The following CTNNA2 variants were observed in gnomAD, a reference collection of about 807,000 sequenced individuals.
CTNNA2 encodes catenin alpha-2.
A neutral mutation model predicts 101.0 loss-of-function variants in CTNNA2; 42 were observed. The ratio of observed to expected loss-of-function variants is 0.42; its 90% CI spans 0.32 to 0.54. CTNNA2 has a LOEUF of 0.54. Ranked by LOEUF, CTNNA2 falls within the 20% of genes least tolerant of loss-of-function variation. The probability of loss-of-function intolerance (pLI) is 0.14; values close to 1 mark genes in which losing one functional copy is unlikely to be tolerated. For synonymous variants in CTNNA2, 450 were observed against 456.4 expected, an observed-to-expected ratio of 0.99 and a Z score of 0.18; for missense variants, 871 against 1,223.1, an observed-to-expected ratio of 0.71 and a Z score of 4.29.
chr2:80,570,508 G>A (rs1047301925), intron 12 of CTNNA2, among the ~76,000 whole-genome samples: 4 of 152,082 alleles, frequency 2.6e-5, no homozygotes, highest in African/African-American at 9.7e-5. Flanking sequence ...AGTTTCTTAG[G>A]GGTCAGACCC....
At chr2:79,329,991 C>T (rs2104417484) in intron 3 of CTNNA2, among the ~76,000 whole-genome samples, 1 of 152,236 alleles carries the variant, frequency 6.6e-6, no homozygotes, top group South Asian at 2.1e-4. Context: ...GGATGAAAAC[C>T]ACTAGCTAGA....
intron 4 of CTNNA2, among the ~76,000 whole-genome samples, chr2:79,408,311 A>C (rs906438797): frequency 4.6e-5 from 7 of 150,782 alleles, no homozygotes; most frequent in Non-Finnish European, 7.4e-5. Flanking sequence ...TATTATTATT[A>C]TTATTATAAT....
rs578091878 is a variant in CTNNA2, at chr2:80,347,137, C to A, written c.1057-46074C>A. 2.0e-5 allele frequency among the ~76,000 whole-genome samples: 3 copies of A among 152,306 alleles called. No individual in the cohort carries two copies. The South Asian group carries it at 6.2e-4, about 32-fold the overall frequency. On this transcript the variant is annotated intron_variant, in intron 7 of 18. Transcript: ENST00000402739. ...TTTGTGCTATATAGCAATCAGCGAG[C>A]ACCGCAGTGGCAGATTCAGCGCTCT...
At chr2:80,209,437 C>T (rs1043379761) in intron 7 of CTNNA2, among the ~76,000 whole-genome samples, 7 of 152,002 alleles carry the variant, frequency 4.6e-5, no homozygotes, top group African/African-American at 9.7e-5. Context: ...GTGATCCGCC[C>T]GCCTCGGCCT....
intron 3 of CTNNA2, among the ~76,000 whole-genome samples, chr2:79,338,755 A>G (rs1677064435): frequency 6.6e-6 from 1 of 152,028 alleles, no homozygotes; most frequent in Non-Finnish European, 1.5e-5. Context: ...GATGGTCATA[A>G]TCTGGCCTAG....
chr2:79,775,817 A>G (rs1318728371), intron 3 of CTNNA2, among the ~76,000 whole-genome samples: 1 of 152,118 alleles, frequency 6.6e-6, no homozygotes, highest in Non-Finnish European at 1.5e-5. Context: ...GCTAAATAGC[A>G]CTCTTCAGTG....
At chr2:79,279,419 G>A (rs1675302293) in intron 2 of CTNNA2, among the ~76,000 whole-genome samples, 1 of 152,024 alleles carries the variant, frequency 6.6e-6, no homozygotes, top group Non-Finnish European at 1.5e-5. Flanking sequence ...TAAATTAGAT[G>A]GGGTCTGCGC....
chr2:79,243,262 A>T (rs1674658175), intron 2 of CTNNA2, among the ~76,000 whole-genome samples: 1 of 152,138 alleles, frequency 6.6e-6, no homozygotes, highest in African/African-American at 2.4e-5. Flanking sequence ...AGGAAATTGT[A>T]GTTAAGGGAA....
intron 7 of CTNNA2, among the ~76,000 whole-genome samples, chr2:80,386,854 C>T (rs941174620): frequency 2.0e-5 from 3 of 152,172 alleles, no homozygotes; most frequent in Admixed American, 6.5e-5. Flanking sequence ...TACCTTCTTA[C>T]AACCATGTCC....
chr2:80,300,123 A>ACCC (rs1248834198), intron 7 of CTNNA2, among the ~76,000 whole-genome samples: 2 of 151,824 alleles, frequency 1.3e-5, no homozygotes, highest in Non-Finnish European at 2.9e-5. Context: ...TAAATTCAAA[A>ACCC]CCCCCTCCTC....
intron 18 of CTNNA2, among the ~76,000 whole-genome samples, chr2:80,638,614 G>A (rs1673117278): frequency 6.6e-6 from 1 of 152,152 alleles, no homozygotes; most frequent in African/African-American, 2.4e-5. Context: ...CCTTGTTTCG[G>A]GTTGAGCAAA....
chr2:79,929,354 A>C (rs796426481), intron 7 of CTNNA2, among the ~76,000 whole-genome samples: 3 of 152,150 alleles, frequency 2.0e-5, no homozygotes, highest in African/African-American at 7.2e-5. Context: ...TATTTAAAGA[A>C]CTCTTTTGTA....
intron 3 of CTNNA2, among the ~76,000 whole-genome samples, chr2:79,345,655 A>C (rs1320439765): frequency 6.6e-6 from 1 of 152,092 alleles, no homozygotes; most frequent in South Asian, 2.1e-4. Context: ...GGGAGTAAAA[A>C]ATTGTGGGGT....
intron 11 of CTNNA2, among the ~76,000 whole-genome samples, chr2:80,547,285 T>G (rs1479489936): frequency 6.6e-6 from 1 of 152,182 alleles, no homozygotes; most frequent in Non-Finnish European, 1.5e-5. Flanking sequence ...GGCCTGTGAC[T>G]AGAATTTACC....
At chr2:79,540,988 A>G (rs1673374175) in intron 1 of CTNNA2, among the ~76,000 whole-genome samples, 1 of 152,080 alleles carries the variant, frequency 6.6e-6, no homozygotes, top group African/African-American at 2.4e-5. Context: ...TGTTGTGTTG[A>G]TCAAATTGTT....
At chr2:80,064,214 C>T (rs1217217036) in intron 7 of CTNNA2, among the ~76,000 whole-genome samples, 2 of 152,158 alleles carry the variant, frequency 1.3e-5, no homozygotes, top group Non-Finnish European at 2.9e-5. Context: ...GCTGGGTTAT[C>T]CAATATTCAT....
chr2:79,259,683 G>T (rs894689419), intron 2 of CTNNA2, among the ~76,000 whole-genome samples: 1 of 152,190 alleles, frequency 6.6e-6, no homozygotes, highest in Non-Finnish European at 1.5e-5. Flanking sequence ...AGAAGGCTGT[G>T]CAGGCTGCCT....
intron 9 of CTNNA2, among the ~76,000 whole-genome samples, chr2:80,540,384 G>T (rs1691448246): frequency 6.6e-6 from 1 of 152,074 alleles, no homozygotes; most frequent in Non-Finnish European, 1.5e-5. Flanking sequence ...ATCACTTGAG[G>T]CTAGGAGTTC....
intron 9 of CTNNA2, among the ~76,000 whole-genome samples, chr2:80,490,280 A>ACC (rs138977108): frequency 0.044 from 2,458 of 55,512 alleles, 48 homozygotes; most frequent in Admixed American, 0.087. Flanking sequence ...TTCCCCCCCC[A>ACC]CCCCCCCCCC....
Sources: gnomAD v4.1 joint callset for allele counts (sites outside exome capture counted in the v4.1 genomes callset) on GRCh38, gnomAD v4.1.1 for gene constraint, MANE v1.5 for transcripts, NCBI Gene and HGNC (gene_info 2026-07-23, HGNC 2026-07-21) for gene names.